Variants in SLC16A12 observed in about 807,000 individuals in gnomAD.
SLC16A12 encodes solute carrier family 16 member 12, also known as monocarboxylate transporter 12.
A neutral mutation model predicts 42.4 loss-of-function variants in SLC16A12; 17 were observed. The observed-to-expected ratio is 0.40, with a 90% CI of 0.27 to 0.60. SLC16A12 has a LOEUF of 0.60. Among genes scored for constraint, SLC16A12 ranks in the 20% least tolerant of loss-of-function variants. The probability of loss-of-function intolerance (pLI) is 0.42; values close to 1 mark genes in which losing one functional copy is unlikely to be tolerated. For missense variants in SLC16A12, 544 were observed against 623.0 expected, an observed-to-expected ratio of 0.87 and a Z score of 1.35; for synonymous variants, 224 against 229.4, an observed-to-expected ratio of 0.98 and a Z score of 0.21.
At chr10:89,477,302 C>T (rs1334032787) in intron 2 of SLC16A12, among the ~76,000 whole-genome samples, 2 of 152,088 alleles carry the variant, frequency 1.3e-5, no homozygotes, top group African/African-American at 4.8e-5. Context: ...CAGTGGCTCA[C>T]GCCTGTAATC....
chr10:89,447,134 A>G (rs1477628237), intron 3 of SLC16A12, among the ~76,000 whole-genome samples: 1 of 152,194 alleles, frequency 6.6e-6, no homozygotes, highest in African/African-American at 2.4e-5. Flanking sequence ...CTACAAAGAG[A>G]CTTAGACTCC....
intron 3 of SLC16A12, among the ~76,000 whole-genome samples, chr10:89,457,151 T>C (rs1238125714): frequency 6.6e-6 from 1 of 152,142 alleles, no homozygotes; most frequent in Admixed American, 6.5e-5. Flanking sequence ...CTAAAGAGCT[T>C]CTGCACAGCA....
Position 89,462,388 on chromosome 10 carries a change from G to A in SLC16A12, c.191C>T (p.Ala64Val). 6.2e-7 allele frequency: 1 copy of A among 1,614,002 alleles called. No individual in the cohort carries two copies. The highest frequency in any genetic ancestry group is 8.5e-7 in the Non-Finnish European group (1 of 1,179,940). ...GCFLVTICTRAVTRCISIFFV... is the reference protein window; with the variant it reads ...GCFLVTICTRVVTRCISIFFV... ...AGAAAATCCTACCTACCTTGTGACT[G>A]CCCGTGTGCAGATGGTAACAAGGAA... Residue 64 changes from alanine to valine, a missense_variant, in exon 3 of 8, where the codon GCA (alanine) becomes GTA (valine). Coordinates refer to ENST00000371790, the MANE Select transcript of SLC16A12 (RefSeq NM_213606.4).
chr10:89,470,043 C>T (rs1170264659), intron 2 of SLC16A12, among the ~76,000 whole-genome samples: 1 of 152,080 alleles, frequency 6.6e-6, no homozygotes, highest in Non-Finnish European at 1.5e-5. Context: ...TGGTGTATTG[C>T]CCCTTTCTGG....
At chr10:89,537,948 C>A (rs534535900), upstream of SLC16A12, among the ~76,000 whole-genome samples, 1 of 152,172 alleles carries the variant, frequency 6.6e-6, no homozygotes, top group Non-Finnish European at 1.5e-5. Context: ...TCATCCTTTA[C>A]GAGTTCAGTA....
intron 2 of SLC16A12, among the ~76,000 whole-genome samples, chr10:89,500,819 G>A (rs1356018361): frequency 6.6e-6 from 1 of 152,118 alleles, no homozygotes; most frequent in African/African-American, 2.4e-5. Context: ...AAGAAATAAA[G>A]CACATCCAAA....
At chr10:89,485,945 A>G (rs145093688) in intron 2 of SLC16A12, among the ~76,000 whole-genome samples, 72 of 152,346 alleles carry the variant, frequency 4.7e-4, no homozygotes, top group African/African-American at 1.4e-3. Flanking sequence ...TAAGAAAAGT[A>G]CCTTTGGGAA....
At chr10:89,485,182 T>C (rs906532484) in intron 2 of SLC16A12, among the ~76,000 whole-genome samples, 4 of 152,164 alleles carry the variant, frequency 2.6e-5, no homozygotes, top group Non-Finnish European at 4.4e-5. Context: ...TATAGAGGCA[T>C]ATTTGGTTGT....
upstream of SLC16A12, among the ~76,000 whole-genome samples, chr10:89,540,378 C>T (rs775021512): frequency 3.3e-5 from 5 of 152,136 alleles, no homozygotes; most frequent in Non-Finnish European, 7.3e-5. Flanking sequence ...GGACCACAGC[C>T]GTGAGCCACC....
intron 2 of SLC16A12, among the ~76,000 whole-genome samples, chr10:89,531,122 A>C (rs1310668137): frequency 6.6e-6 from 1 of 152,132 alleles, no homozygotes; most frequent in Non-Finnish European, 1.5e-5. Flanking sequence ...TTAAATCACA[A>C]AATTACAATA....
Position 89,488,903 on chromosome 10 carries a change from C to T in SLC16A12, c.-46-26279G>A, listed in dbSNP as rs529191001. On this transcript the variant is annotated intron_variant, in intron 2 of 7. Coordinates refer to ENST00000371790, the MANE Select transcript of SLC16A12 (RefSeq NM_213606.4). ...TGACAAGAGTCAAAAAGAAAACTGA[C>T]GTATCAGGAAACGACTGGGGAGTGG... Among the ~76,000 whole-genome samples, 5 of 152,222 alleles carry T rather than the reference C, an allele frequency of 3.3e-5. No individual in the cohort carries two copies. The South Asian group carries it at 6.2e-4, about 19-fold the overall frequency.
At chr10:89,487,993 TATAC>T (rs944115960) in intron 2 of SLC16A12, among the ~76,000 whole-genome samples, 26 of 119,622 alleles carry the variant, frequency 2.2e-4, no homozygotes, top group African/African-American at 7.7e-4. Flanking sequence ...TATATATATA[TATAC>T]ACACACACAT....
chr10:89,520,817 G>C (rs755350398), intron 2 of SLC16A12, among the ~76,000 whole-genome samples: 1 of 151,582 alleles, frequency 6.6e-6, no homozygotes, highest in Non-Finnish European at 1.5e-5. Flanking sequence ...TCAGATCTCA[G>C]CTTAACTGAG....
intron 3 of SLC16A12, among the ~76,000 whole-genome samples, chr10:89,451,116 C>G (rs554112973): frequency 2.0e-3 from 307 of 152,318 alleles, no homozygotes; most frequent in African/African-American, 6.9e-3. Flanking sequence ...GGGAAGAAAT[C>G]AGGCCTGTGG....
intron 2 of SLC16A12, among the ~76,000 whole-genome samples, chr10:89,523,933 G>C (rs1042618607): frequency 6.6e-6 from 1 of 152,166 alleles, no homozygotes; most frequent in Non-Finnish European, 1.5e-5. Context: ...CCTGGGTATC[G>C]CGTGAGCACA....
chr10:89,456,072 A>G (rs1232559363), intron 3 of SLC16A12: 1 of 152,186 alleles, frequency 6.6e-6, no homozygotes, highest in African/African-American at 2.4e-5. Flanking sequence ...CTATACAGTG[A>G]GTGCTGCCAA....
chr10:89,523,946 C>T (rs567228545), intron 2 of SLC16A12, among the ~76,000 whole-genome samples: 1 of 152,220 alleles, frequency 6.6e-6, no homozygotes, highest in South Asian at 2.1e-4. Flanking sequence ...TGAGCACAGT[C>T]TAGTTATTCC....
upstream of SLC16A12, among the ~76,000 whole-genome samples, chr10:89,539,975 CTCTT>C (rs1009588018): frequency 1.8e-3 from 244 of 135,822 alleles, 1 homozygote; most frequent in South Asian, 0.011. Flanking sequence ...CTTTCTTTCT[CTCTT>C]TCTTTCTTTC....
At chr10:89,491,632 G>A (rs1213124012) in intron 2 of SLC16A12, among the ~76,000 whole-genome samples, 1 of 152,054 alleles carries the variant, frequency 6.6e-6, no homozygotes, top group Admixed American at 6.6e-5. Flanking sequence ...CCCTGCCTGG[G>A]GGAGGAGGTA....
Sources: gnomAD v4.1 joint callset for allele counts (sites outside exome capture counted in the v4.1 genomes callset) on GRCh38, gnomAD v4.1.1 for gene constraint, MANE v1.5 for transcripts, NCBI Gene and HGNC (gene_info 2026-07-23, HGNC 2026-07-21) for gene names.